RANBP2: variants seen among roughly 807,000 people sequenced by gnomAD.
The protein encoded by RANBP2 is E3 SUMO-protein ligase RanBP2.
Under a neutral mutation model 303.6 loss-of-function variants are expected in RANBP2, and 57 were observed. That is an observed-to-expected ratio of 0.19 (90% CI 0.15 to 0.23). The LOEUF (loss-of-function observed/expected upper bound fraction) is 0.23, where lower values mean the gene tolerates loss of function less well. RANBP2 is among the 10% of genes least tolerant of loss of function. The probability of loss-of-function intolerance (pLI) is 1.00; values close to 1 mark genes in which losing one functional copy is unlikely to be tolerated. For synonymous variants in RANBP2, 1,167 were observed against 1,301.5 expected, an observed-to-expected ratio of 0.90 and a Z score of 2.23; for missense variants, 3,138 against 3,780.8, an observed-to-expected ratio of 0.83 and a Z score of 4.46.
chr2:109,487,502 A>G, the RANBP2 span, among the ~76,000 whole-genome samples: 1 of 152,240 alleles, frequency 6.6e-6, no homozygotes, highest in African/African-American at 2.4e-5. Context: ...TTTTCTAGCC[A>G]TGACATCAGC....
At chr2:109,046,890 G>C in the RANBP2 span, among the ~76,000 whole-genome samples, 1 of 152,116 alleles carries the variant, frequency 6.6e-6, no homozygotes, top group African/African-American at 2.4e-5. Flanking sequence ...AAGTAAGGCA[G>C]TGACCCCAAC....
the RANBP2 span, among the ~76,000 whole-genome samples, chr2:109,350,340 C>T: frequency 7.2e-5 from 11 of 152,238 alleles, no homozygotes; most frequent in African/African-American, 2.4e-4. Flanking sequence ...TGTGACGGCT[C>T]CCACAGCAGA....
chr2:109,392,421 C>G, the RANBP2 span, among the ~76,000 whole-genome samples: 1 of 152,168 alleles, frequency 6.6e-6, no homozygotes, highest in African/African-American at 2.4e-5. Flanking sequence ...ACATTGCTGT[C>G]ACCTCGTGGT....
chr2:108,810,071 G>A, the RANBP2 span, among the ~76,000 whole-genome samples: 1 of 152,106 alleles, frequency 6.6e-6, no homozygotes, highest in African/African-American at 2.4e-5. Flanking sequence ...CTCCCATATT[G>A]CTGAGATTAC....
the RANBP2 span, among the ~76,000 whole-genome samples, chr2:109,715,720 G>A: frequency 6.6e-6 from 1 of 152,086 alleles, no homozygotes; most frequent in Non-Finnish European, 1.5e-5. Context: ...CTCCTTCCCT[G>A]GAGGATCAGT....
At chr2:109,732,711 G>A in the RANBP2 span, 10 of 604,356 alleles carry the variant, frequency 1.7e-5, no homozygotes, top group East Asian at 7.8e-5. Context: ...CTCGTGATCC[G>A]CCCGCCTTGG....
chr2:109,585,278 A>G, the RANBP2 span: 1 of 1,611,502 alleles, frequency 6.2e-7, no homozygotes, highest in Non-Finnish European at 8.5e-7. Flanking sequence ...AATTAGTATT[A>G]AACAATGTGT....
At chr2:109,463,292 G>T in the RANBP2 span, among the ~76,000 whole-genome samples, 1 of 152,226 alleles carries the variant, frequency 6.6e-6, no homozygotes, top group Non-Finnish European at 1.5e-5. Flanking sequence ...TGACTGTGCT[G>T]TCTGTTTTGG....
chr2:109,439,904 A>G, the RANBP2 span, among the ~76,000 whole-genome samples: 1 of 152,152 alleles, frequency 6.6e-6, no homozygotes. Context: ...AGGTATTAAG[A>G]GAGTGTGGAG....
chr2:108,839,075 CTT>C, the RANBP2 span: 27 of 1,187,360 alleles, frequency 2.3e-5, no homozygotes, highest in South Asian at 2.7e-4. Context: ...TTGGAGAACT[CTT>C]TTGTTTTGTT....
chr2:109,401,017 G>A, the RANBP2 span, among the ~76,000 whole-genome samples: 18 of 152,308 alleles, frequency 1.2e-4, no homozygotes, highest in South Asian at 2.1e-3. Flanking sequence ...ACCCAGTGGC[G>A]GACCAGTGTG....
At chr2:109,398,005 G>A in the RANBP2 span, among the ~76,000 whole-genome samples, 2 of 152,228 alleles carry the variant, frequency 1.3e-5, no homozygotes, top group Non-Finnish European at 2.9e-5. Context: ...GGTATGCTCA[G>A]GCCAGCTTCT....
chr2:109,731,685 G>A, the RANBP2 span, among the ~76,000 whole-genome samples: 4 of 151,996 alleles, frequency 2.6e-5, no homozygotes, highest in Non-Finnish European at 4.4e-5. Context: ...GAGCCACTGC[G>A]CGCGGCCACC....
At chr2:109,248,719 CCTT>C in the RANBP2 span, among the ~76,000 whole-genome samples, 13 of 152,052 alleles carry the variant, frequency 8.5e-5, no homozygotes, top group East Asian at 1.9e-4. Context: ...TTCCTTGCCT[CCTT>C]CTTTTCTTTC....
At chr2:109,672,363 A>T in the RANBP2 span, among the ~76,000 whole-genome samples, 1 of 152,218 alleles carries the variant, frequency 6.6e-6, no homozygotes, top group Non-Finnish European at 1.5e-5. Flanking sequence ...AGTGAACCAT[A>T]TACCCTTCAT....
the RANBP2 span, among the ~76,000 whole-genome samples, chr2:109,417,562 C>T: frequency 1.3e-5 from 2 of 152,150 alleles, no homozygotes; most frequent in African/African-American, 4.8e-5. Context: ...GGCACAGGAC[C>T]CCGACAGCCT....
chr2:109,184,113 G>A, the RANBP2 span, among the ~76,000 whole-genome samples: 2 of 152,178 alleles, frequency 1.3e-5, no homozygotes, highest in Non-Finnish European at 2.9e-5. Context: ...CATGTGCTTC[G>A]TAGTCTCCTG....
chr2:108,876,179 A>G, the RANBP2 span: 3 of 1,613,112 alleles, frequency 1.9e-6, no homozygotes, highest in Middle Eastern at 1.7e-4. Context: ...ATTTCTCTGT[A>G]TTAATCTAAA....
chr2:109,371,715 T>C, the RANBP2 span: 2 of 1,591,674 alleles, frequency 1.3e-6, no homozygotes, highest in Non-Finnish European at 1.7e-6. Context: ...ACTTGGCTCC[T>C]TCTTGCCCAC....
Sources: gnomAD v4.1 joint callset for allele counts (sites outside exome capture counted in the v4.1 genomes callset) on GRCh38, gnomAD v4.1.1 for gene constraint, MANE v1.5 for transcripts, NCBI Gene and HGNC (gene_info 2026-07-23, HGNC 2026-07-21) for gene names.